Variants in AFAP1 observed in about 807,000 individuals in gnomAD.
AFAP1 encodes the protein actin filament-associated protein 1.
A neutral mutation model predicts 93.9 loss-of-function variants in AFAP1; 75 were observed. The ratio of observed to expected loss-of-function variants is 0.80; its 90% CI spans 0.66 to 0.97. The LOEUF is 0.97. Among genes scored for constraint, AFAP1 ranks in the 50% least tolerant of loss-of-function variants. AFAP1 has a pLI of 0.00. For synonymous variants in AFAP1, 517 were observed against 430.7 expected, an observed-to-expected ratio of 1.20 and a Z score of -2.48; for missense variants, 1,201 against 1,050.8, an observed-to-expected ratio of 1.14 and a Z score of -1.98.
At position 7,785,321 on chromosome 4, in the gene AFAP1, CG is replaced by C. The variant is rs1403788336; in HGVS notation, c.1530+872del. Among the ~76,000 whole-genome samples the C allele has an allele frequency of 5.3e-5, 8 of 152,196 alleles. No homozygotes were observed. The East Asian group carries it at 9.7e-4, about 18-fold the overall frequency. Reference sequence around the variant, plus strand: ...AGGCCAGACAGACCCCCGAGGCCAGCGTAACAGGGAAAGCTGTTACTAAACA... The same window carrying C: ...AGGCCAGACAGACCCCCGAGGCCAGCTAACAGGGAAAGCTGTTACTAAACA... On this transcript the variant is annotated intron_variant, in intron 12 of 17. Transcript: ENST00000420658.
intron 17 of AFAP1, 119 bp from the exon 18 acceptor site, chr4:7,763,910 A>G (rs1466329641): frequency 2.1e-6 from 2 of 952,604 alleles, no homozygotes; most frequent in African/African-American, 3.3e-5. Flanking sequence ...AGAAAACTCA[A>G]CAGAATCAAT....
At chr4:7,818,568 G>A (rs74384613) in intron 7 of AFAP1, among the ~76,000 whole-genome samples, 66 of 152,268 alleles carry the variant, frequency 4.3e-4, no homozygotes, top group African/African-American at 1.4e-3. Context: ...CAGGGCCTGC[G>A]GCGTCACAGT....
intron 1 of AFAP1, among the ~76,000 whole-genome samples, chr4:7,909,051 A>T (rs944768055): frequency 1.3e-5 from 2 of 152,238 alleles, no homozygotes; most frequent in African/African-American, 4.8e-5. Flanking sequence ...ATCACTTAAA[A>T]CTAAAGTAGT....
intron 2 of AFAP1, among the ~76,000 whole-genome samples, chr4:7,870,488 T>C (rs1400121067): frequency 6.6e-6 from 1 of 152,120 alleles, no homozygotes; most frequent in African/African-American, 2.4e-5. Context: ...GGCAAAACCC[T>C]GTCTCTACAA....
intron 1 of AFAP1, among the ~76,000 whole-genome samples, chr4:7,881,455 T>C (rs1717841310): frequency 6.6e-6 from 1 of 152,084 alleles, no homozygotes; most frequent in African/African-American, 2.4e-5. Flanking sequence ...CCAATGCCAC[T>C]CATTTGGCCC....
intron 11 of AFAP1, among the ~76,000 whole-genome samples, chr4:7,791,079 A>G (rs1717820912): frequency 6.6e-6 from 1 of 152,212 alleles, no homozygotes; most frequent in Non-Finnish European, 1.5e-5. Flanking sequence ...GACTGCTCCA[A>G]TTCCCCATAA....
At chr4:7,874,536 T>A (rs1717366106) in intron 1 of AFAP1, among the ~76,000 whole-genome samples, 1 of 78,966 alleles carries the variant, frequency 1.3e-5, no homozygotes, top group East Asian at 3.0e-4. Flanking sequence ...GCTAATTTTT[T>A]TTTTTTTTTT....
At chr4:7,883,865 C>T (rs531268732) in intron 1 of AFAP1, among the ~76,000 whole-genome samples, 1 of 152,278 alleles carries the variant, frequency 6.6e-6, no homozygotes, top group South Asian at 2.1e-4. Context: ...GACAACTTAA[C>T]ATCAAAAAGA....
chr4:7,868,566 G>T lies in AFAP1; in HGVS notation c.225+56C>A, dbSNP rs754913706. On this transcript the variant is annotated intron_variant, in intron 3 of 17. Coordinates refer to ENST00000420658, the MANE Select transcript of AFAP1 (RefSeq NM_001134647.2). ...CTTCCATCACAGGCCCCTGGAGCCC[G>T]TAAGTACCCCCAGGCCTCCAGCGAT... The T allele has an allele frequency of 2.6e-6, 4 of 1,518,786 alleles. No homozygotes were observed. In the East Asian group the frequency reaches 6.9e-5, roughly 26 times the overall value. 94.1% of individuals were successfully genotyped at this position (1,518,786 alleles called of 1,614,324 possible).
At chr4:7,853,461 T>A (rs149156433) in intron 4 of AFAP1, among the ~76,000 whole-genome samples, 120 of 152,196 alleles carry the variant, frequency 7.9e-4, no homozygotes, top group African/African-American at 2.7e-3. Context: ...CTGTTGCTGG[T>A]CACCTGTGCC....
chr4:7,776,597 G>A (rs1258162470), intron 14 of AFAP1: 1 of 152,094 alleles, frequency 6.6e-6, no homozygotes, highest in Admixed American at 6.6e-5. Context: ...GCCAATTCTT[G>A]CAACGTAAGT....
chr4:7,815,317 TG>T (rs1333009131), intron 8 of AFAP1, among the ~76,000 whole-genome samples: 104 of 152,244 alleles, frequency 6.8e-4, no homozygotes, highest in African/African-American at 2.5e-3. Context: ...AAAAGAGTTC[TG>T]GAGACTGATG....
chr4:7,769,143 T>C (rs1047898920), intron 16 of AFAP1, 135 bp from the exon 17 acceptor site: 6 of 1,199,812 alleles, frequency 5.0e-6, no homozygotes, highest in Middle Eastern at 2.7e-4. Flanking sequence ...CAGCAAGGAC[T>C]GCCACGTGGT....
chr4:7,836,693 C>A (rs1374550482), intron 6 of AFAP1, among the ~76,000 whole-genome samples: 1 of 152,184 alleles, frequency 6.6e-6, no homozygotes, highest in Non-Finnish European at 1.5e-5. Context: ...AAGCTATCGG[C>A]CCACCTTGGC....
intron 11 of AFAP1, among the ~76,000 whole-genome samples, chr4:7,793,113 TAAAG>T (rs1259322297): frequency 6.6e-6 from 1 of 152,176 alleles, no homozygotes; most frequent in African/African-American, 2.4e-5. Flanking sequence ...ATCATTATGT[TAAAG>T]AAATATTCAC....
intron 4 of AFAP1, among the ~76,000 whole-genome samples, chr4:7,845,943 G>A (rs940129354): frequency 6.6e-6 from 1 of 152,186 alleles, no homozygotes; most frequent in Non-Finnish European, 1.5e-5. Flanking sequence ...AGCCGGGCAC[G>A]AGGGGGCAGC....
chr4:7,923,359 C>T (rs1301650938), intron 1 of AFAP1, among the ~76,000 whole-genome samples: 2 of 152,206 alleles, frequency 1.3e-5, no homozygotes, highest in Non-Finnish European at 2.9e-5. Context: ...GCTCTGGAGG[C>T]TGGAAGTCCA....
At chr4:7,883,572 TAAAA>T (rs1164022125) in intron 1 of AFAP1, among the ~76,000 whole-genome samples, 2 of 151,840 alleles carry the variant, frequency 1.3e-5, no homozygotes, top group Non-Finnish European at 2.9e-5. Context: ...ATCAGAAACT[TAAAA>T]AAAATTATTT....
At chr4:7,812,753 T>G (rs1374836278) in intron 8 of AFAP1, among the ~76,000 whole-genome samples, 1 of 152,220 alleles carries the variant, frequency 6.6e-6, no homozygotes, top group Non-Finnish European at 1.5e-5. Flanking sequence ...CCCAGAGAGT[T>G]TCCCAGTAAC....
Sources: gnomAD v4.1 joint callset for allele counts (sites outside exome capture counted in the v4.1 genomes callset) on GRCh38, gnomAD v4.1.1 for gene constraint, MANE v1.5 for transcripts, NCBI Gene and HGNC (gene_info 2026-07-23, HGNC 2026-07-21) for gene names.